DNAJC12: variants seen among roughly 807,000 people sequenced by gnomAD.
The protein encoded by DNAJC12 is dnaJ homolog subfamily C member 12.
Under a neutral mutation model 28.5 loss-of-function variants are expected in DNAJC12, and 25 were observed. The observed-to-expected ratio is 0.88, with a 90% CI of 0.64 to 1.22. DNAJC12 has a LOEUF of 1.22. Among genes scored for constraint, DNAJC12 ranks in the 50% most tolerant of loss-of-function variants. The pLI is 0.00. For synonymous variants in DNAJC12, 77 were observed against 80.6 expected (o/e 0.95, Z 0.24); for missense variants, 222 against 231.7 (o/e 0.96, Z 0.27).
intron 2 of DNAJC12, among the ~76,000 whole-genome samples, chr10:67,820,672 A>G (rs189151893): frequency 6.6e-6 from 1 of 152,182 alleles, no homozygotes; most frequent in Non-Finnish European, 1.5e-5. Context: ...GACCTCACAT[A>G]TAGAAAAAAT....
intron 1 of DNAJC12, among the ~76,000 whole-genome samples, chr10:67,833,283 T>C (rs979628542): frequency 6.6e-6 from 1 of 152,180 alleles, no homozygotes; most frequent in East Asian, 1.9e-4. Context: ...TCACTTATAT[T>C]GTCTATGGCT....
At chr10:67,832,799 G>A (rs1017541330) in intron 1 of DNAJC12, among the ~76,000 whole-genome samples, 2 of 152,098 alleles carry the variant, frequency 1.3e-5, no homozygotes, top group Non-Finnish European at 2.9e-5. Context: ...ATTACAAAAG[G>A]AAAAATAATA....
At chr10:67,836,251 G>A (rs906580681) in intron 1 of DNAJC12, among the ~76,000 whole-genome samples, 3 of 151,880 alleles carry the variant, frequency 2.0e-5, no homozygotes, top group East Asian at 1.9e-4. Flanking sequence ...TAATGTATGC[G>A]GGGCTTAAAA....
intron 4 of DNAJC12, among the ~76,000 whole-genome samples, chr10:67,801,836 C>CTTTTTTTTTTTTTTTTTTTTT (rs577511924): frequency 3.8e-5 from 1 of 26,120 alleles, no homozygotes; most frequent in African/African-American, 1.3e-4. Context: ...CCACTTCATT[C>CTTTTTTTTTTTTTTTTTTTTT]TTTTTTTTTT....
intron 1 of DNAJC12, among the ~76,000 whole-genome samples, chr10:67,834,812 C>A (rs1315525180): frequency 6.6e-6 from 1 of 151,922 alleles, no homozygotes; most frequent in African/African-American, 2.4e-5. Flanking sequence ...CACAGTGAGA[C>A]TTCATCTCAA....
intron 4 of DNAJC12, among the ~76,000 whole-genome samples, chr10:67,798,774 T>TTTC (rs57360079): frequency 6.7e-6 from 1 of 149,626 alleles, no homozygotes; most frequent in African/African-American, 2.5e-5. Context: ...TTTTTTTTTT[T>TTTC]CCTTTTCTGA....
intron 1 of DNAJC12, among the ~76,000 whole-genome samples, chr10:67,833,265 A>C (rs1395467364): frequency 2.0e-5 from 3 of 152,190 alleles, no homozygotes; most frequent in African/African-American, 7.2e-5. Flanking sequence ...GAAGACAGCC[A>C]AGATCATTCA....
chr10:67,836,689 A>G (rs534022314), intron 1 of DNAJC12, among the ~76,000 whole-genome samples: 107 of 152,220 alleles, frequency 7.0e-4, no homozygotes, highest in African/African-American at 2.4e-3. Flanking sequence ...GGGGCGGGGC[A>G]GTTTTTTTAA....
intron 1 of DNAJC12, among the ~76,000 whole-genome samples, chr10:67,827,953 G>T (rs1196756044): frequency 6.6e-6 from 1 of 152,092 alleles, no homozygotes; most frequent in Non-Finnish European, 1.5e-5. Flanking sequence ...TGAACACATT[G>T]TATTTATCTT....
chr10:67,817,895 T>TA (rs1348600292), intron 2 of DNAJC12, among the ~76,000 whole-genome samples: 1 of 148,758 alleles, frequency 6.7e-6, no homozygotes, highest in Non-Finnish European at 1.5e-5. Flanking sequence ...AAATAAAAAA[T>TA]AAAAAAAGAG....
chr10:67,796,982 T>C lies in DNAJC12; in HGVS notation c.*134A>G. The C allele has an allele frequency of 1.8e-6, 1 of 569,770 alleles. No homozygotes were observed. Among genetic ancestry groups the C allele is most frequent in the Non-Finnish European group, 3.0e-6 (1 of 331,058 alleles). 35.3% of individuals were successfully genotyped at this position (569,770 alleles called of 1,614,324 possible). ...AGCATTATGAGAACTGATTCAAGGA[T>C]GGAGGAATCAATTAGTACTCAGCAA... is the stretch of plus-strand genomic sequence containing the variant. On this transcript the variant is annotated 3_prime_UTR_variant, in exon 5 of 5. Coordinates refer to ENST00000225171, the MANE Select transcript of DNAJC12 (RefSeq NM_021800.3).
At chr10:67,811,717 C>T in intron 2 of DNAJC12, 54 bp from the exon 3 acceptor site, 2 of 1,574,628 alleles carry the variant, frequency 1.3e-6, no homozygotes, top group Non-Finnish European at 1.7e-6. Context: ...ATATTTTAAA[C>T]TCCAAAACTA....
intron 1 of DNAJC12, among the ~76,000 whole-genome samples, chr10:67,824,887 C>G (rs979417002): frequency 6.6e-6 from 1 of 152,086 alleles, no homozygotes; most frequent in Non-Finnish European, 1.5e-5. Flanking sequence ...GTGCCCACCA[C>G]CACGCCTGGC....
intron 1 of DNAJC12, among the ~76,000 whole-genome samples, chr10:67,826,582 CATCTAATGATATATATAAGAT>C (rs1215632681): frequency 7.5e-6 from 1 of 132,972 alleles, no homozygotes; most frequent in Non-Finnish European, 1.6e-5. Flanking sequence ...TAATATATAT[CATCTAATGATATATATAAGAT>C]ATCTAATGAT....
chr10:67,837,896 G>A, intron 1 of DNAJC12, 38 bp downstream of exon 1: 1 of 1,424,052 alleles, frequency 7.0e-7, no homozygotes, highest in Non-Finnish European at 9.7e-7. Context: ...TTGTGAAAAA[G>A]AATACTGTTG....
At chr10:67,834,659 C>T (rs1454254544) in intron 1 of DNAJC12, among the ~76,000 whole-genome samples, 1 of 152,118 alleles carries the variant, frequency 6.6e-6, no homozygotes, top group Non-Finnish European at 1.5e-5. Flanking sequence ...GAAAGCTCAT[C>T]TGTACAAAAA....
At chr10:67,813,964 A>C (rs1286762652) in intron 2 of DNAJC12, among the ~76,000 whole-genome samples, 2 of 151,442 alleles carry the variant, frequency 1.3e-5, no homozygotes, top group African/African-American at 2.4e-5. Context: ...TCAAAATCCC[A>C]GTTGCCTTTT....
intron 2 of DNAJC12, among the ~76,000 whole-genome samples, chr10:67,815,612 C>A (rs1274889572): frequency 6.6e-6 from 1 of 151,940 alleles, no homozygotes; most frequent in African/African-American, 2.4e-5. Flanking sequence ...CAGCTTGGTC[C>A]AGCGAGAGCA....
chr10:67,836,663 A>G (rs1354627434), intron 1 of DNAJC12, among the ~76,000 whole-genome samples: 1 of 152,154 alleles, frequency 6.6e-6, no homozygotes, highest in Non-Finnish European at 1.5e-5. Flanking sequence ...CTAAAAGACC[A>G]TTATAAGCTA....
Sources: gnomAD v4.1 joint callset for allele counts (sites outside exome capture counted in the v4.1 genomes callset) on GRCh38, gnomAD v4.1.1 for gene constraint, MANE v1.5 for transcripts, NCBI Gene and HGNC (gene_info 2026-07-23, HGNC 2026-07-21) for gene names.